ERC1: variants seen among roughly 807,000 people sequenced by gnomAD.
ERC1 encodes RAB6 interacting protein 2.
A neutral mutation model predicts 132.0 loss-of-function variants in ERC1; 56 were observed. That is an observed-to-expected ratio of 0.42 (90% CI 0.34 to 0.53). ERC1 has a LOEUF of 0.53. ERC1 is among the 20% of genes least tolerant of loss of function. ERC1 has a pLI of 0.03. For missense variants in ERC1, 1,202 were observed against 1,349.9 expected (o/e 0.89, Z 1.72); for synonymous variants, 478 against 476.1 (o/e 1.00, Z -0.05).
At chr12:1,052,092 G>C (rs1031527854) in intron 2 of ERC1, among the ~76,000 whole-genome samples, 1 of 152,236 alleles carries the variant, frequency 6.6e-6, no homozygotes, top group Non-Finnish European at 1.5e-5. Flanking sequence ...ACGTAAGTGT[G>C]CATCAGAATT....
rs1033157225 is a variant in ERC1 at position 1,116,232 on chromosome 12, G to A, written c.1569+199G>A. 2.3e-5 allele frequency: 10 copies of A among 443,844 alleles called. No homozygotes were observed. In the South Asian group the frequency reaches 4.4e-4, roughly 19 times the overall value. The allele number at this position is 443,844 out of a possible 1,614,324, so 27.5% of individuals were successfully genotyped here. A position where few individuals can be genotyped will look rare whatever the true frequency, so the allele number is the denominator to read the frequency against. On this transcript the variant is annotated intron_variant, in intron 7 of 18. Coordinates refer to ENST00000360905, the MANE Select transcript of ERC1 (RefSeq NM_178040.4). ...TCTTAGATCTAACAAGTTAAAACAG[G>A]TGCAGTTTATGTTTTTAATTCTTTA...
chr12:1,012,446 A>G (rs1565780588), intron 1 of ERC1, among the ~76,000 whole-genome samples: 1 of 150,640 alleles, frequency 6.6e-6, no homozygotes, highest in South Asian at 2.1e-4. Context: ...GTCTGTATTT[A>G]CCAACAGTGA....
chr12:1,476,825 A>G (rs2093983608), intron 18 of ERC1, among the ~76,000 whole-genome samples: 1 of 152,260 alleles, frequency 6.6e-6, no homozygotes, highest in Admixed American at 6.5e-5. Flanking sequence ...TAATACATTA[A>G]TATTTATAGT....
intron 15 of ERC1, among the ~76,000 whole-genome samples, chr12:1,315,457 T>C (rs1295751200): frequency 6.6e-6 from 1 of 151,954 alleles, no homozygotes; most frequent in Non-Finnish European, 1.5e-5. Flanking sequence ...TTCAAGCTAT[T>C]CTCCTGCCTC....
intron 1 of ERC1, among the ~76,000 whole-genome samples, chr12:1,003,546 A>G (rs1962882090): frequency 6.6e-6 from 1 of 152,178 alleles, no homozygotes; most frequent in African/African-American, 2.4e-5. Flanking sequence ...CGCAATTCTT[A>G]CACCTTTTTC....
At chr12:1,354,337 G>T (rs923647072) in intron 15 of ERC1, among the ~76,000 whole-genome samples, 1 of 151,934 alleles carries the variant, frequency 6.6e-6, no homozygotes, top group African/African-American at 2.4e-5. Flanking sequence ...CAGCCTAGCC[G>T]ACACGGTGAA....
chr12:1,347,268 G>T (rs1427148307), intron 15 of ERC1, among the ~76,000 whole-genome samples: 1 of 152,118 alleles, frequency 6.6e-6, no homozygotes, highest in African/African-American at 2.4e-5. Flanking sequence ...TCGCTTCTTG[G>T]CCATTTGGCT....
rs540456877 is a variant in ERC1, at chr12:1,074,105, G to T, written c.670-9059G>T. On this transcript the variant is annotated intron_variant, in intron 2 of 18. Coordinates refer to ENST00000360905, the MANE Select transcript of ERC1 (RefSeq NM_178040.4). ...TCTTGATCTCTTGACCTCGTGATCT[G>T]CCCGCCTCTGCCTTCCAAAGTGCTG... Among the ~76,000 whole-genome samples, 45 of 151,920 alleles carry T rather than the reference G, an allele frequency of 3.0e-4. 2 individuals carry two copies. The highest frequency in any genetic ancestry group is 2.8e-3 in the Admixed American group (42 of 15,260).
At chr12:1,121,498 A>G (rs1947078082) in intron 7 of ERC1, among the ~76,000 whole-genome samples, 1 of 152,226 alleles carries the variant, frequency 6.6e-6, no homozygotes. Context: ...CCTCAGAAAG[A>G]GATAGGCATC....
intron 15 of ERC1, among the ~76,000 whole-genome samples, chr12:1,359,263 C>T (rs915827735): frequency 6.6e-6 from 1 of 152,070 alleles, no homozygotes; most frequent in African/African-American, 2.4e-5. Flanking sequence ...CGAGTTCTGT[C>T]AAAATAGGTA....
intron 15 of ERC1, among the ~76,000 whole-genome samples, chr12:1,359,225 T>G (rs1439468378): frequency 6.6e-6 from 1 of 152,090 alleles, no homozygotes; most frequent in South Asian, 2.1e-4. Flanking sequence ...ATCAATCATT[T>G]TAGGTCAAAT....
chr12:1,329,047 A>AGG lies in ERC1; in HGVS notation c.2780+39035_2780+39036insGG, dbSNP rs2082677344. Among the ~76,000 whole-genome samples, 3 of 145,626 alleles carry AGG rather than the reference A, an allele frequency of 2.1e-5. 1 individual carries two copies. The highest frequency in any genetic ancestry group is 4.5e-5 in the Non-Finnish European group (3 of 66,792). ...GGTGGCTCACGCCTGTAATCCCAGC[A>AGG]CTTTGGGAGGCTGAGGCGGGCAGAT... On this transcript the variant is annotated intron_variant, in intron 15 of 18. Coordinates refer to ENST00000360905, the MANE Select transcript of ERC1 (RefSeq NM_178040.4).
chr12:1,418,711 TTTCTTTCTTTC>T, intron 17 of ERC1, among the ~76,000 whole-genome samples: 1 of 140,944 alleles, frequency 7.1e-6, no homozygotes, highest in East Asian at 2.0e-4. Context: ...TCTTTCTTTC[TTTCTTTCTTTC>T]TTTTTGGAGA....
At chr12:1,133,500 G>A (rs1464914223) in intron 7 of ERC1, among the ~76,000 whole-genome samples, 1 of 152,134 alleles carries the variant, frequency 6.6e-6, no homozygotes, top group Non-Finnish European at 1.5e-5. Flanking sequence ...CAGTGGATAA[G>A]GGTCAGTGGG....
intron 12 of ERC1, among the ~76,000 whole-genome samples, chr12:1,222,230 T>TA (rs1464151181): frequency 6.6e-6 from 1 of 151,512 alleles, no homozygotes; most frequent in Non-Finnish European, 1.5e-5. Context: ...TTCTCTTTTT[T>TA]TTTTTTTCTT....
At chr12:1,023,014 T>C (rs1258083935) in intron 1 of ERC1, among the ~76,000 whole-genome samples, 1 of 152,158 alleles carries the variant, frequency 6.6e-6, no homozygotes, top group Non-Finnish European at 1.5e-5. Context: ...CCTTCTGCCA[T>C]GATTGTAAGC....
At chr12:990,466 G>T (rs1317360490), upstream of ERC1, 1 of 152,208 alleles carries the variant, frequency 6.6e-6, no homozygotes, top group Non-Finnish European at 1.5e-5. Context: ...GCTGTCGGAG[G>T]CTAAATAAAC....
intron 8 of ERC1, among the ~76,000 whole-genome samples, chr12:1,173,205 A>G (rs1396375119): frequency 6.6e-6 from 1 of 152,216 alleles, no homozygotes; most frequent in Non-Finnish European, 1.5e-5. Flanking sequence ...CATATTATTT[A>G]TAGGGTGGTA....
intron 15 of ERC1, among the ~76,000 whole-genome samples, chr12:1,353,830 C>T (rs972438116): frequency 6.6e-6 from 1 of 152,216 alleles, no homozygotes; most frequent in Non-Finnish European, 1.5e-5. Context: ...TGAAACTACC[C>T]TCCAAAGTAG....
Sources: allele counts gnomAD v4.1 joint callset (sites outside exome capture counted in the v4.1 genomes callset), GRCh38; gene constraint gnomAD v4.1.1; transcripts MANE v1.5; gene names NCBI Gene and HGNC (gene_info 2026-07-23, HGNC 2026-07-21).